RASSF3: variants seen among roughly 807,000 people sequenced by gnomAD.
RASSF3 encodes ras association domain-containing protein 3.
Under a neutral mutation model 19.9 loss-of-function variants are expected in RASSF3, and 19 were observed. The ratio of observed to expected loss-of-function variants is 0.96; its 90% CI spans 0.67 to 1.40. The LOEUF (loss-of-function observed/expected upper bound fraction) is 1.40, where lower values mean the gene tolerates loss of function less well. Among genes scored for constraint, RASSF3 ranks in the 40% most tolerant of loss-of-function variants. RASSF3 has a pLI of 0.00. For synonymous variants in RASSF3, 110 were observed against 104.2 expected (o/e 1.06, Z -0.34); for missense variants, 306 against 289.8 (o/e 1.06, Z -0.41).
intron 2 of RASSF3, among the ~76,000 whole-genome samples, chr12:64,603,115 A>G (rs1870125031): frequency 6.6e-6 from 1 of 152,124 alleles, no homozygotes; most frequent in African/African-American, 2.4e-5. Flanking sequence ...AAAGAAAAAA[A>G]AAGAGTTGGG....
intron 2 of RASSF3, among the ~76,000 whole-genome samples, chr12:64,589,166 T>A (rs1433469524): frequency 1.3e-5 from 2 of 152,222 alleles, no homozygotes; most frequent in Non-Finnish European, 2.9e-5. Flanking sequence ...AATGTCAGCA[T>A]AGGCCAGGCG....
intron 1 of RASSF3, among the ~76,000 whole-genome samples, chr12:64,679,550 G>T (rs767055365): frequency 3.3e-5 from 5 of 152,084 alleles, no homozygotes; most frequent in Non-Finnish European, 7.4e-5. Context: ...GGATTGGGCC[G>T]CACTTCTTGA....
rs1217181383 is a variant in RASSF3, at chr12:64,558,371, T to C, written c.294+16666T>C. Among the ~76,000 whole-genome samples the C allele has an allele frequency of 3.3e-5, 5 of 152,330 alleles. No individual in the cohort carries two copies. In the South Asian group the frequency reaches 1.0e-3, roughly 32 times the overall value. On this transcript the variant is annotated intron_variant, in intron 2 of 5. Coordinates refer to the RASSF3 transcript ENST00000637125. ...TGATCGGTACCTTTTCCATGGGAGA[T>C]GCTTTCTGGTGGTTGTTAATATGTG...
At chr12:64,671,265 C>A (rs888419763) in intron 1 of RASSF3, among the ~76,000 whole-genome samples, 2 of 152,146 alleles carry the variant, frequency 1.3e-5, no homozygotes, top group Non-Finnish European at 2.9e-5. Flanking sequence ...TCAGGCAGTA[C>A]GTGAACCCTC....
At chr12:64,649,949 G>T (rs912274572) in intron 1 of RASSF3, among the ~76,000 whole-genome samples, 2 of 152,168 alleles carry the variant, frequency 1.3e-5, no homozygotes, top group Admixed American at 6.5e-5. Flanking sequence ...AACATCCCCA[G>T]TATGCTCTTG....
chr12:64,547,272 A>G (rs1009638730), intron 2 of RASSF3, among the ~76,000 whole-genome samples: 715 of 56,874 alleles, frequency 0.013, 33 homozygotes, highest in Admixed American at 0.087. Context: ...ACTTGATCTA[A>G]AAAAAAAAAA....
At chr12:64,586,733 G>A (rs1254415630) in intron 2 of RASSF3, among the ~76,000 whole-genome samples, 7 of 151,786 alleles carry the variant, frequency 4.6e-5, no homozygotes, top group East Asian at 2.0e-4. Flanking sequence ...GACCAGCCTG[G>A]CCAACATGGT....
At chr12:64,619,840 C>T (rs1159508410) in intron 1 of RASSF3, among the ~76,000 whole-genome samples, 1 of 151,970 alleles carries the variant, frequency 6.6e-6, no homozygotes, top group African/African-American at 2.4e-5. Context: ...ATTAGGCAGG[C>T]ATGGTGGTGC....
At position 64,564,618 on chromosome 12, in the gene RASSF3, G is replaced by T. The variant is rs1869398715; in HGVS notation, c.294+22913G>T. On this transcript the variant is annotated intron_variant, in intron 2 of 5. Transcript: ENST00000637125. ...GCTGGTCTCAAACTTCCGACCTCAG[G>T]TGATCTGCCTGCCTTGGCCTCCCAA... Among the ~76,000 whole-genome samples, 4 of 152,180 alleles carry T rather than the reference G, an allele frequency of 2.6e-5. No individual in the cohort carries two copies. The South Asian group carries it at 8.3e-4, about 32-fold the overall frequency.
At chr12:64,648,822 T>TTTTTTTA (rs1555214230) in intron 1 of RASSF3, among the ~76,000 whole-genome samples, 1 of 149,628 alleles carries the variant, frequency 6.7e-6, no homozygotes, top group Admixed American at 6.7e-5. Flanking sequence ...TTTTTTTTTT[T>TTTTTTTA]AGAGATAGGG....
At position 64,636,227 on chromosome 12, in the gene RASSF3, C is replaced by G. The variant is rs141263856; in HGVS notation, c.111+25484C>G. On this transcript the variant is annotated intron_variant, in intron 1 of 4. Coordinates refer to ENST00000542104, the MANE Select transcript of RASSF3 (RefSeq NM_178169.4). ...CGCTTGCCAGGTTCAAGCAATCCTC[C>G]CCGCTCAGCCTCCCAAGGCTCCCAT... 7.3e-3 allele frequency among the ~76,000 whole-genome samples: 1,114 copies of G among 152,016 alleles called. 21 individuals are homozygous for G. The highest frequency in any genetic ancestry group is 0.026 in the African/African-American group (1,060 of 41,462).
intron 1 of RASSF3, among the ~76,000 whole-genome samples, chr12:64,521,678 A>G (rs902194592): frequency 1.3e-5 from 2 of 152,132 alleles, no homozygotes; most frequent in African/African-American, 4.8e-5. Flanking sequence ...CCAAAGCTCC[A>G]TCATGCCCGT....
chr12:64,536,325 A>G (rs1868827408), intron 1 of RASSF3, among the ~76,000 whole-genome samples: 1 of 152,154 alleles, frequency 6.6e-6, no homozygotes, highest in Non-Finnish European at 1.5e-5. Flanking sequence ...TCACTTTTTT[A>G]AAGTAGGTTT....
chr12:64,530,172 T>C (rs1264044943), upstream of RASSF3, among the ~76,000 whole-genome samples: 1 of 152,220 alleles, frequency 6.6e-6, no homozygotes, highest in Non-Finnish European at 1.5e-5. Flanking sequence ...TTTGCATCTT[T>C]TGGGGCATTA....
intron 1 of RASSF3, among the ~76,000 whole-genome samples, chr12:64,647,274 A>C (rs1306244852): frequency 1.3e-5 from 2 of 151,952 alleles, no homozygotes; most frequent in Non-Finnish European, 2.9e-5. Context: ...TTTAAGACAG[A>C]GCCTCACTCT....
At chr12:64,606,885 T>G (rs1870203162), upstream of RASSF3, among the ~76,000 whole-genome samples, 1 of 152,206 alleles carries the variant, frequency 6.6e-6, no homozygotes, top group African/African-American at 2.4e-5. Flanking sequence ...CTTCCCTGAA[T>G]TTGAAATGTT....
chr12:64,574,747 C>G (rs1297147068), intron 2 of RASSF3, among the ~76,000 whole-genome samples: 2 of 152,216 alleles, frequency 1.3e-5, no homozygotes, highest in Non-Finnish European at 2.9e-5. Context: ...TAGCTGAGAA[C>G]AGAGCTCCTA....
chr12:64,520,588 A>G (rs1868458229), intron 1 of RASSF3, among the ~76,000 whole-genome samples: 1 of 133,674 alleles, frequency 7.5e-6, no homozygotes, highest in Non-Finnish European at 1.6e-5. Context: ...ATATATATAT[A>G]TATATATGCA....
At chr12:64,685,594 C>T (rs2136219735) in intron 2 of RASSF3, among the ~76,000 whole-genome samples, 1 of 152,148 alleles carries the variant, frequency 6.6e-6, no homozygotes, top group Non-Finnish European at 1.5e-5. Flanking sequence ...ATTTTGAGCC[C>T]ATGGATTGGA....
Sources: gnomAD v4.1 joint callset for allele counts (sites outside exome capture counted in the v4.1 genomes callset) on GRCh38, gnomAD v4.1.1 for gene constraint, MANE v1.5 for transcripts, NCBI Gene and HGNC (gene_info 2026-07-23, HGNC 2026-07-21) for gene names.